Variants in RPGR observed in about 807,000 individuals in gnomAD.
RPGR encodes retinitis pigmentosa GTPase regulator, also known as X-linked retinitis pigmentosa GTPase regulator.
In RPGR, 10 loss-of-function variants were observed where a neutral mutation model predicts 56.3. The ratio of observed to expected loss-of-function variants is 0.18; its 90% CI spans 0.11 to 0.30. RPGR has a LOEUF of 0.30. RPGR is among the 10% of genes least tolerant of loss of function. The pLI is 1.00. For synonymous variants in RPGR, 197 were observed against 212.9 expected, an observed-to-expected ratio of 0.93 and a Z score of 0.65; for missense variants, 538 against 590.9, an observed-to-expected ratio of 0.91 and a Z score of 0.93.
chrX:38,312,941 C>CAA (rs57656419), intron 6 of RPGR, among the ~76,000 whole-genome samples: 29 of 105,200 alleles, frequency 2.8e-4, no homozygotes, highest in South Asian at 2.5e-3. Flanking sequence ...AGACCTAGCT[C>CAA]AAAAAAAAAA....
intron 7 of RPGR, among the ~76,000 whole-genome samples, chrX:38,309,012 T>C (rs930199214): frequency 2.7e-5 from 3 of 112,435 alleles, no homozygotes; most frequent in African/African-American, 9.7e-5. Context: ...AAAGATTAAG[T>C]GGTGACTTCA....
At chrX:38,326,585 G>A (rs2068049543) in intron 1 of RPGR, 1 of 111,279 alleles carries the variant, frequency 9.0e-6, no homozygotes, top group African/African-American at 3.3e-5. Context: ...GGAAAAAAAA[G>A]GCTAAAAAAC....
chrX:38,299,917 C>T (rs1164953014), intron 9 of RPGR, among the ~76,000 whole-genome samples: 1 of 111,006 alleles, frequency 9.0e-6, no homozygotes, highest in Non-Finnish European at 1.9e-5. Context: ...CTGGTTATTT[C>T]GTTCATCACT....
chrX:38,272,063 G>A (rs1271952572), intron 18 of RPGR, among the ~76,000 whole-genome samples: 1 of 111,482 alleles, frequency 9.0e-6, no homozygotes, highest in Admixed American at 9.5e-5. Flanking sequence ...CAGCTGAAGA[G>A]AAACTATGAA....
chrX:38,326,343 T>G (rs767183922), intron 1 of RPGR, among the ~76,000 whole-genome samples: 3 of 112,226 alleles, frequency 2.7e-5, no homozygotes, highest in Non-Finnish European at 3.8e-5. Flanking sequence ...AGTGAAGGTA[T>G]GATTCTGCTC....
chrX:38,308,571 ATTCT>A (rs2067648946), intron 7 of RPGR, among the ~76,000 whole-genome samples: 1 of 112,039 alleles, frequency 8.9e-6, no homozygotes, highest in Admixed American at 9.5e-5. Flanking sequence ...TATTAAATTA[ATTCT>A]TTCTATAGTC....
chrX:38,315,804 G>T (rs2067811463), intron 6 of RPGR, among the ~76,000 whole-genome samples: 1 of 95,468 alleles, frequency 1.0e-5, no homozygotes. Flanking sequence ...AACATCTCAG[G>T]TATTCCATAT....
chrX:38,295,894 G>A (rs1472939025), intron 11 of RPGR: 1 of 111,839 alleles, frequency 8.9e-6, no homozygotes, highest in Non-Finnish European at 1.9e-5. Context: ...CTGGTTTCTT[G>A]TCCTACCCCT....
chrX:38,299,072 A>G lies in RPGR; in HGVS notation c.1129T>C (p.Phe377Leu), dbSNP rs758542643. ...AAGCAAGTATCATTTATTTCATCGA[A>G]TTCAATTTCTTTTGCCACACCACGA... Residue 377 changes from phenylalanine to leucine, a missense_variant, in exon 10 of 19, where the codon TTC becomes CTC. Physicochemically the swap from Phe to Leu is conservative, Grantham distance 22. Coordinates refer to ENST00000642395, the MANE Select transcript of RPGR (RefSeq NM_000328.3). The G allele has an allele frequency of 1.6e-5, 19 of 1,210,116 alleles. No homozygotes were observed. Among genetic ancestry groups the G allele is most frequent in the Non-Finnish European group, 2.1e-5 (19 of 895,290 alleles).
intron 7 of RPGR, 81 bp from the exon 8 acceptor site, chrX:38,304,871 T>C (rs2067567229): frequency 1.1e-6 from 1 of 951,668 alleles, no homozygotes; most frequent in Non-Finnish European, 1.5e-6. Flanking sequence ...ACTGTCACGT[T>C]CAACCTTTTA....
At chrX:38,276,235 G>A (rs2066932178) in intron 16 of RPGR, among the ~76,000 whole-genome samples, 1 of 111,455 alleles carries the variant, frequency 9.0e-6, no homozygotes, top group Non-Finnish European at 1.9e-5. Context: ...CCCCATTTCT[G>A]CCACCAGTGC....
chrX:38,295,460 C>A (rs1253953342), intron 11 of RPGR, among the ~76,000 whole-genome samples: 2 of 112,301 alleles, frequency 1.8e-5, no homozygotes, highest in African/African-American at 3.2e-5. Context: ...GATCTAGCTA[C>A]AAAATCATGC....
At chrX:38,318,785 C>A (rs761978103) in intron 5 of RPGR, 44 bp downstream of exon 5, 6 of 1,198,146 alleles carry the variant, frequency 5.0e-6, no homozygotes, top group Non-Finnish European at 6.8e-6. Context: ...TATTGATCTA[C>A]AGGAAAGGAA....
At chrX:38,306,115 G>A (rs2067594310) in intron 7 of RPGR, among the ~76,000 whole-genome samples, 1 of 111,903 alleles carries the variant, frequency 8.9e-6, no homozygotes, top group Non-Finnish European at 1.9e-5. Flanking sequence ...GCGCAGTGTC[G>A]ATTATATTAG....
chrX:38,279,948 A>G (rs948935178), intron 15 of RPGR, among the ~76,000 whole-genome samples: 3 of 110,592 alleles, frequency 2.7e-5, no homozygotes, highest in Non-Finnish European at 5.7e-5. Context: ...CTGTAAGTTC[A>G]TGTTTTAACT....
chrX:38,294,469 A>T (rs1321602421), intron 11 of RPGR, among the ~76,000 whole-genome samples: 1 of 111,751 alleles, frequency 8.9e-6, no homozygotes, highest in African/African-American at 3.3e-5. Flanking sequence ...CTCCTACCTC[A>T]GCCTCTCAAA....
chrX:38,281,178 C>T (rs1408261605), intron 15 of RPGR, among the ~76,000 whole-genome samples: 1 of 112,475 alleles, frequency 8.9e-6, no homozygotes, highest in Non-Finnish European at 1.9e-5. Context: ...TCTTTACTAT[C>T]TCTACTCTTT....
At chrX:38,272,421 C>G (rs1218642740) in intron 18 of RPGR, 4 of 110,686 alleles carry the variant, frequency 3.6e-5, no homozygotes, top group Non-Finnish European at 5.7e-5. Context: ...TGGAGAAACC[C>G]CGTCTCTACT....
At chrX:38,285,325 G>GA in intron 15 of RPGR, 1 of 1,063,232 alleles carries the variant, frequency 9.4e-7, no homozygotes, top group Non-Finnish European at 1.2e-6. Flanking sequence ...ATTTGGGGGG[G>GA]AAATACACGA....
Sources: allele counts gnomAD v4.1 joint callset (sites outside exome capture counted in the v4.1 genomes callset), GRCh38; gene constraint gnomAD v4.1.1; transcripts MANE v1.5; gene names NCBI Gene and HGNC (gene_info 2026-07-23, HGNC 2026-07-21).